Variants in HTR2C observed in about 807,000 individuals in gnomAD.
The protein encoded by HTR2C is 5-hydroxytryptamine (serotonin) receptor 2C, G protein-coupled.
In HTR2C, 5 loss-of-function variants were observed where a neutral mutation model predicts 21.0. The observed-to-expected ratio is 0.24, with a 90% CI of 0.12 to 0.50. The LOEUF (loss-of-function observed/expected upper bound fraction) is 0.50, where lower values mean the gene tolerates loss of function less well. Ranked by LOEUF, HTR2C falls within the 20% of genes least tolerant of loss-of-function variation. The pLI, the probability that HTR2C is intolerant of heterozygous loss-of-function variation, is 0.98. For synonymous variants in HTR2C, 150 were observed against 145.3 expected, an observed-to-expected ratio of 1.03 and a Z score of -0.23; for missense variants, 271 against 371.2, an observed-to-expected ratio of 0.73 and a Z score of 2.22.
At chrX:114,731,892 C>T (rs1287684507) in intron 4 of HTR2C, among the ~76,000 whole-genome samples, 2 of 111,679 alleles carry the variant, frequency 1.8e-5, no homozygotes, top group Non-Finnish European at 3.8e-5. Context: ...TTACAATGTA[C>T]TGAATGAGAC....
chrX:114,843,305 A>T (rs1212042810), intron 4 of HTR2C, among the ~76,000 whole-genome samples: 1 of 111,968 alleles, frequency 8.9e-6, no homozygotes, highest in Admixed American at 9.5e-5. Context: ...AACAATGGAA[A>T]TATGGCAGCT....
chrX:114,756,412 C>T (rs2069814252), intron 4 of HTR2C, among the ~76,000 whole-genome samples: 1 of 111,813 alleles, frequency 8.9e-6, no homozygotes, highest in Admixed American at 9.5e-5. Flanking sequence ...TTTATAGCAA[C>T]TTGATTCTTA....
chrX:114,759,672 C>CCTCAATTGGG (rs2069846817), intron 4 of HTR2C, among the ~76,000 whole-genome samples: 1 of 110,967 alleles, frequency 9.0e-6, no homozygotes, highest in Non-Finnish European at 1.9e-5. Context: ...GGCCCCAATT[C>CCTCAATTGGG]GTCAATCTCA....
intron 5 of HTR2C, among the ~76,000 whole-genome samples, chrX:114,876,962 A>G: frequency 9.0e-6 from 1 of 111,142 alleles, no homozygotes; most frequent in South Asian, 3.7e-4. Flanking sequence ...GACTTTGTAA[A>G]ATGAGCTTAG....
Position 114,843,797 on chromosome X carries a change from T to C in HTR2C, c.350-4206T>C, listed in dbSNP as rs782286071. ...ACAGTGAATTTCTCTACAGAGACCA[T>C]GGAGGCCGGAAGCAGTGAGATGACA... On this transcript the variant is annotated intron_variant, in intron 4 of 5. Transcript: ENST00000276198. 3.6e-3 allele frequency among the ~76,000 whole-genome samples: 401 copies of C among 111,591 alleles called. 4 individuals are homozygous for C. The highest frequency in any genetic ancestry group is 8.1e-3 in the Admixed American group (85 of 10,485).
intron 4 of HTR2C, among the ~76,000 whole-genome samples, chrX:114,829,038 C>A (rs2070699785): frequency 9.0e-6 from 1 of 111,656 alleles, no homozygotes; most frequent in Admixed American, 9.5e-5. Context: ...TATAAAGAGT[C>A]ATGTCAAATA....
chrX:114,903,935 G>C (rs1556485919), intron 5 of HTR2C, among the ~76,000 whole-genome samples: 1 of 111,854 alleles, frequency 8.9e-6, no homozygotes, highest in South Asian at 3.7e-4. Context: ...CACCACTCCT[G>C]CATCCTTTAT....
chrX:114,909,472 A>C lies in HTR2C; in HGVS notation c.*2057A>C, dbSNP rs1330784315. 1 of 112,533 alleles carries C rather than the reference A, an allele frequency of 8.9e-6. No homozygotes were observed. Among genetic ancestry groups the C allele is most frequent in the East Asian group, 2.8e-4 (1 of 3,576 alleles). 9.3% of individuals were successfully genotyped at this position (112,533 alleles called of 1,213,427 possible). ...ATCCTTAAAAAGACCATGCATTCAG[A>C]TCTGAAGTAGTGTGAGTGTTAGAAA... On this transcript the variant is annotated 3_prime_UTR_variant, in exon 6 of 6. Transcript: ENST00000276198.
chrX:114,821,227 C>T (rs2070630213), intron 4 of HTR2C, among the ~76,000 whole-genome samples: 1 of 66,286 alleles, frequency 1.5e-5, no homozygotes, highest in South Asian at 1.2e-3. Context: ...GATATGAGTA[C>T]GTACAGACTA....
chrX:114,672,350 C>T (rs12861270), intron 2 of HTR2C, among the ~76,000 whole-genome samples: 1 of 109,930 alleles, frequency 9.1e-6, no homozygotes, highest in Non-Finnish European at 1.9e-5. Flanking sequence ...TATGATCGCA[C>T]CCCTGCACTC....
chrX:114,791,533 C>T (rs1278041633), intron 4 of HTR2C, among the ~76,000 whole-genome samples: 1 of 111,395 alleles, frequency 9.0e-6, no homozygotes. Context: ...TTTCCTCCCA[C>T]TCCCAAGTTT....
At chrX:114,746,524 A>G (rs2069705585) in intron 4 of HTR2C, among the ~76,000 whole-genome samples, 1 of 111,800 alleles carries the variant, frequency 8.9e-6, no homozygotes, top group Non-Finnish European at 1.9e-5. Context: ...GGATTAGTTG[A>G]TACAGAAAAG....
At chrX:114,894,109 A>G (rs2071278165) in intron 5 of HTR2C, among the ~76,000 whole-genome samples, 1 of 111,918 alleles carries the variant, frequency 8.9e-6, no homozygotes. Flanking sequence ...TCAGTTTCTT[A>G]GAAAGTTAAA....
chrX:114,838,924 C>G (rs1477850942), intron 4 of HTR2C, among the ~76,000 whole-genome samples: 1 of 112,213 alleles, frequency 8.9e-6, no homozygotes, highest in South Asian at 3.7e-4. Context: ...TCAGGATATA[C>G]TTGTGCATTT....
intron 5 of HTR2C, among the ~76,000 whole-genome samples, chrX:114,870,486 G>A (rs2071083485): frequency 9.0e-6 from 1 of 111,557 alleles, no homozygotes. Flanking sequence ...GGAATAGTTT[G>A]AATAGGATTG....
chrX:114,904,818 T>C (rs999078484), intron 5 of HTR2C, among the ~76,000 whole-genome samples: 1 of 111,041 alleles, frequency 9.0e-6, no homozygotes, highest in Non-Finnish European at 1.9e-5. Context: ...CTGTGCTGTC[T>C]AGAGATTACC....
Position 114,907,310 on chromosome X carries a change from C to T in HTR2C, c.1272C>T (p.Ile424=), listed in dbSNP as rs201434349. The T allele has an allele frequency of 6.0e-5, 73 of 1,208,540 alleles. No homozygotes were observed. Among genetic ancestry groups the T allele is most frequent in the Non-Finnish European group, 8.1e-5 (72 of 894,266 alleles). Residue 424 remains isoleucine (I), a synonymous_variant, in exon 6 of 6, where the codon ATC becomes ATT. Coordinates refer to ENST00000276198, the MANE Select transcript of HTR2C (RefSeq NM_000868.4). The part of the protein sequence containing the change: ...NIYRHTNEPV[I]EKASDNEPGI... ...ATCGGCATACCAATGAACCGGTGAT[C>T]GAGAAAGCCAGTGACAATGAGCCCG... is the stretch of plus-strand genomic sequence containing the variant.
At chrX:114,859,908 CT>C (rs1271296781) in intron 5 of HTR2C, among the ~76,000 whole-genome samples, 5 of 111,226 alleles carry the variant, frequency 4.5e-5, no homozygotes, top group Non-Finnish European at 7.6e-5. Flanking sequence ...TACTAATTCC[CT>C]TTTTTAATCC....
At chrX:114,871,384 ATG>A (rs781870274) in intron 5 of HTR2C, among the ~76,000 whole-genome samples, 2 of 112,240 alleles carry the variant, frequency 1.8e-5, no homozygotes, top group South Asian at 7.2e-4. Flanking sequence ...GAGGAAAAGA[ATG>A]TGCATTCTGC....
Sources: allele counts gnomAD v4.1 joint callset (sites outside exome capture counted in the v4.1 genomes callset), GRCh38; gene constraint gnomAD v4.1.1; transcripts MANE v1.5; gene names NCBI Gene and HGNC (gene_info 2026-07-23, HGNC 2026-07-21).